Variants in SEC24B observed in about 807,000 individuals in gnomAD.
The protein encoded by SEC24B is protein transport protein Sec24B.
A neutral mutation model predicts 142.8 loss-of-function variants in SEC24B; 45 were observed. The ratio of observed to expected loss-of-function variants is 0.32; its 90% CI spans 0.25 to 0.40. The LOEUF is 0.40. Ranked by LOEUF, SEC24B falls within the 10% of genes least tolerant of loss-of-function variation. The pLI, the probability that SEC24B is intolerant of heterozygous loss-of-function variation, is 1.00. For missense variants in SEC24B, 1,409 were observed against 1,526.8 expected (o/e 0.92, Z 1.29); for synonymous variants, 574 against 568.2 (o/e 1.01, Z -0.15).
At chr4:109,511,064 T>C (rs1554007154) in intron 8 of SEC24B, among the ~76,000 whole-genome samples, 1 of 152,000 alleles carries the variant, frequency 6.6e-6, no homozygotes, top group Non-Finnish European at 1.5e-5. Context: ...TCACCTATAA[T>C]ACTCTGAAAA....
intron 1 of SEC24B, among the ~76,000 whole-genome samples, chr4:109,441,968 T>C (rs767738975): frequency 6.6e-6 from 1 of 152,134 alleles, no homozygotes; most frequent in Non-Finnish European, 1.5e-5. Flanking sequence ...GGGAAGAAGC[T>C]CTATAACTGT....
intron 5 of SEC24B, among the ~76,000 whole-genome samples, chr4:109,494,154 T>C (rs919226485): frequency 2.0e-5 from 3 of 152,156 alleles, no homozygotes; most frequent in Admixed American, 2.0e-4. Context: ...TATATAAATA[T>C]ATTCTTATCT....
chr4:109,488,349 A>G (rs1354952294), intron 4 of SEC24B, among the ~76,000 whole-genome samples: 2 of 152,144 alleles, frequency 1.3e-5, no homozygotes, highest in African/African-American at 4.8e-5. Context: ...TGAACATTTT[A>G]TATGTAGAGA....
intron 1 of SEC24B, among the ~76,000 whole-genome samples, chr4:109,449,838 C>T (rs981725244): frequency 2.6e-5 from 4 of 152,094 alleles, no homozygotes; most frequent in Non-Finnish European, 4.4e-5. Flanking sequence ...GGGATGTCTA[C>T]GAGGTTCTTC....
chr4:109,477,663 T>C (rs897735228), intron 3 of SEC24B, among the ~76,000 whole-genome samples: 2 of 152,142 alleles, frequency 1.3e-5, no homozygotes, highest in Non-Finnish European at 1.5e-5. Flanking sequence ...AAAAACAAGC[T>C]ATGATACAGG....
rs542923179 is a variant in SEC24B at position 109,453,090 on chromosome 4, A to C, written c.134-9811A>C. Among the ~76,000 whole-genome samples the C allele has an allele frequency of 3.3e-5, 5 of 152,298 alleles. No homozygotes were observed. In the East Asian group the frequency reaches 9.7e-4, roughly 29 times the overall value. On this transcript the variant is annotated intron_variant, in intron 1 of 23. Transcript: ENST00000265175. ...ATGCCCCCTGAACCCTAAAACCAGC[A>C]AGTTTTTATTAGCAATTTTCAAAGG...
In SEC24B at chr4:109,529,940, C is replaced by T. The variant is rs138635336; in HGVS notation, c.3077-349C>T. ...GTAGAGACAAGGTCTCACTATGTTG[C>T]CTAATCTGGTCATGAACTCCTGGGC... On this transcript the variant is annotated intron_variant, in intron 18 of 23. Transcript: ENST00000265175. 4.5e-3 allele frequency among the ~76,000 whole-genome samples: 688 copies of T among 152,174 alleles called. 4 individuals are homozygous for T. The highest frequency in any genetic ancestry group is 0.016 in the African/African-American group (662 of 41,514).
chr4:109,532,563 G>C lies in SEC24B; in HGVS notation c.3391-76G>C, dbSNP rs1725042946. 3.9e-6 allele frequency: 4 copies of C among 1,017,354 alleles called. No homozygotes were observed. The East Asian group carries it at 7.2e-5, about 18-fold the overall frequency. The allele number at this position is 1,017,354 out of a possible 1,614,324, so 63.0% of individuals were successfully genotyped here. ...GTGTTATTTTCCAATGCTTCATAAA[G>C]GGTTAGTGACCATTAGCTCCCAAAC... On this transcript the variant is annotated intron_variant, in intron 20 of 23. Coordinates refer to ENST00000265175, the MANE Select transcript of SEC24B (RefSeq NM_006323.5).
intron 8 of SEC24B, among the ~76,000 whole-genome samples, chr4:109,510,998 A>T (rs1173040898): frequency 6.6e-6 from 1 of 152,098 alleles, no homozygotes; most frequent in Non-Finnish European, 1.5e-5. Flanking sequence ...TAGAAAATAA[A>T]AAATTGTAAT....
intron 23 of SEC24B, among the ~76,000 whole-genome samples, chr4:109,538,958 AT>A (rs200263013): frequency 6.6e-4 from 95 of 144,564 alleles, no homozygotes; most frequent in East Asian, 2.6e-3. Flanking sequence ...CTAATTTTTA[AT>A]TTTTTTTTTT....
intron 1 of SEC24B, among the ~76,000 whole-genome samples, chr4:109,456,058 G>A (rs561311600): frequency 6.6e-6 from 1 of 152,098 alleles, no homozygotes; most frequent in South Asian, 2.1e-4. Context: ...CTTTTCATCA[G>A]CGTTTTGTAG....
chr4:109,482,834 G>A (rs993887802), intron 4 of SEC24B, among the ~76,000 whole-genome samples: 3 of 147,042 alleles, frequency 2.0e-5, no homozygotes, highest in African/African-American at 7.5e-5. Context: ...GTTTCGCCAT[G>A]TTGCCCAAGC....
chr4:109,489,981 T>C (rs1428269509), intron 4 of SEC24B, among the ~76,000 whole-genome samples: 1 of 152,058 alleles, frequency 6.6e-6, no homozygotes, highest in Non-Finnish European at 1.5e-5. Context: ...AAAATTGTTC[T>C]ACTTATCACG....
chr4:109,483,472 T>G (rs2125987950), intron 4 of SEC24B, among the ~76,000 whole-genome samples: 1 of 152,308 alleles, frequency 6.6e-6, no homozygotes, highest in Admixed American at 6.5e-5. Context: ...ACTTGTGGTG[T>G]CATGTCAGCC....
At chr4:109,533,924 C>T (rs973839837) in intron 22 of SEC24B, among the ~76,000 whole-genome samples, 3 of 152,132 alleles carry the variant, frequency 2.0e-5, no homozygotes, top group Non-Finnish European at 4.4e-5. Flanking sequence ...TACTTTCTAT[C>T]TATGGATTTG....
chr4:109,484,800 C>T (rs1578866627), intron 4 of SEC24B, among the ~76,000 whole-genome samples: 2 of 147,236 alleles, frequency 1.4e-5, no homozygotes, highest in East Asian at 4.0e-4. Flanking sequence ...TGCAGTGAGC[C>T]GAGATCACGC....
rs1561178819 is a variant in SEC24B, at chr4:109,525,387, C to T, written c.2674C>T (p.Pro892Ser). 1 of 1,610,044 alleles carries T rather than the reference C, an allele frequency of 6.2e-7. No individual in the cohort carries two copies. Among genetic ancestry groups the T allele is most frequent in the Admixed American group, 1.7e-5 (1 of 59,586 alleles). Reference protein sequence around the residue: ...KYSAGCIYYYPSFHYTHNPSQ... With the variant: ...KYSAGCIYYYSSFHYTHNPSQ... Reference sequence around the variant, plus strand: ...TTCTGCAGGGTGCATCTATTATTATCCATCATTCCACTATACTCACAATCC... The same window carrying T: ...TTCTGCAGGGTGCATCTATTATTATTCATCATTCCACTATACTCACAATCC... The change falls in exon 16 of 24, where the codon CCA (proline) becomes TCA (serine). Residue 892 changes from proline (P) to serine (S), a missense_variant. Pro to Ser is a moderately conservative substitution (Grantham distance 74). Coordinates refer to ENST00000265175, the MANE Select transcript of SEC24B (RefSeq NM_006323.5).
intron 4 of SEC24B, among the ~76,000 whole-genome samples, chr4:109,487,876 C>G (rs908277616): frequency 6.6e-6 from 1 of 152,088 alleles, no homozygotes; most frequent in African/African-American, 2.4e-5. Context: ...AAAATTAATA[C>G]TTTAAAACTT....
intron 6 of SEC24B, among the ~76,000 whole-genome samples, chr4:109,497,555 C>CT (rs11413496): frequency 0.13 from 18,337 of 141,460 alleles, 3,431 homozygotes; most frequent in African/African-American, 0.41. Context: ...TCCCACCTTT[C>CT]TTTTTTTTTT....
Sources: gnomAD v4.1 joint callset for allele counts (sites outside exome capture counted in the v4.1 genomes callset) on GRCh38, gnomAD v4.1.1 for gene constraint, MANE v1.5 for transcripts, NCBI Gene and HGNC (gene_info 2026-07-23, HGNC 2026-07-21) for gene names.